Variants in RBFOX1 observed in about 807,000 individuals in gnomAD.
The protein encoded by RBFOX1 is RNA binding fox-1 homolog 1, also known as RNA binding protein fox-1 homolog 1.
RBFOX1 carries 8 observed loss-of-function variants against 57.7 expected under a neutral mutation model. The observed-to-expected ratio is 0.14, with a 90% CI of 0.08 to 0.25. The LOEUF (loss-of-function observed/expected upper bound fraction) is 0.25, where lower values mean the gene tolerates loss of function less well. Among genes scored for constraint, RBFOX1 ranks in the 10% least tolerant of loss-of-function variants. The pLI, the probability that RBFOX1 is intolerant of heterozygous loss-of-function variation, is 1.00. For synonymous variants in RBFOX1, 326 were observed against 222.4 expected, an observed-to-expected ratio of 1.47 and a Z score of -4.15; for missense variants, 611 against 548.5, an observed-to-expected ratio of 1.11 and a Z score of -1.14.
chr16:5,957,512 G>A (rs928678707), intron 4 of RBFOX1, among the ~76,000 whole-genome samples: 10 of 152,082 alleles, frequency 6.6e-5, no homozygotes, highest in African/African-American at 2.4e-4. Context: ...GGCATGAGTC[G>A]CCTTGCCCAG....
At chr16:7,087,236 G>A (rs1328273052) in intron 4 of RBFOX1, among the ~76,000 whole-genome samples, 1 of 152,136 alleles carries the variant, frequency 6.6e-6, no homozygotes, top group Admixed American at 6.5e-5. Context: ...ATTCTCAGAT[G>A]CTGGCCTCCC....
At chr16:7,303,022 C>G (rs916110608) in intron 4 of RBFOX1, among the ~76,000 whole-genome samples, 1 of 152,218 alleles carries the variant, frequency 6.6e-6, no homozygotes, top group Non-Finnish European at 1.5e-5. Flanking sequence ...CAGACACGGA[C>G]TTCCCTACCC....
intron 3 of RBFOX1, chr16:6,704,761 C>G (rs900493834): frequency 6.6e-6 from 1 of 152,152 alleles, no homozygotes; most frequent in African/African-American, 2.4e-5. Context: ...GCCATCTGGT[C>G]TCGGAGAACC....
chr16:7,235,691 G>C (rs969597761), intron 4 of RBFOX1, among the ~76,000 whole-genome samples: 1 of 152,186 alleles, frequency 6.6e-6, no homozygotes, highest in East Asian at 1.9e-4. Context: ...TCCTCTTTGA[G>C]GGTTGGAGAG....
intron 4 of RBFOX1, among the ~76,000 whole-genome samples, chr16:7,090,727 G>T (rs1599197334): frequency 6.6e-6 from 1 of 152,304 alleles, no homozygotes; most frequent in East Asian, 1.9e-4. Flanking sequence ...CTTCCGGGCG[G>T]TTTTGATTCA....
chr16:6,759,554 G>A (rs1049797693), intron 3 of RBFOX1, among the ~76,000 whole-genome samples: 1 of 150,582 alleles, frequency 6.6e-6, no homozygotes, highest in African/African-American at 2.5e-5. Context: ...GACAGTTGCT[G>A]TTGTTTTCAT....
chr16:6,649,121 G>A (rs1274832367), intron 2 of RBFOX1, among the ~76,000 whole-genome samples: 2 of 152,096 alleles, frequency 1.3e-5, no homozygotes, highest in South Asian at 4.2e-4. Context: ...TGGTAGTGAG[G>A]GTAGTCCCTG....
At position 5,849,278 on chromosome 16, in the gene RBFOX1, C is replaced by T. The variant is rs116828985; in HGVS notation, c.319-18025C>T. Reference sequence around the variant, plus strand: ...GGACGATGGAGTGCCCTGATTTTAGCAGTCATGTGGATTTGGGAAATGGCA... The same window carrying T: ...GGACGATGGAGTGCCCTGATTTTAGTAGTCATGTGGATTTGGGAAATGGCA... On this transcript the variant is annotated intron_variant, in intron 3 of 19. Coordinates refer to the RBFOX1 transcript ENST00000641259. 6.5e-4 allele frequency among the ~76,000 whole-genome samples: 99 copies of T among 152,210 alleles called. 1 individual carries two copies. The highest frequency in any genetic ancestry group is 2.3e-3 in the African/African-American group (94 of 41,532).
intron 4 of RBFOX1, among the ~76,000 whole-genome samples, chr16:7,202,176 G>A (rs923746389): frequency 3.3e-5 from 5 of 150,568 alleles, no homozygotes; most frequent in African/African-American, 1.2e-4. Flanking sequence ...TTTCTTCAAA[G>A]AACATAAACA....
At chr16:6,039,276 T>C (rs2152410637) in intron 1 of RBFOX1, among the ~76,000 whole-genome samples, 1 of 150,310 alleles carries the variant, frequency 6.7e-6, no homozygotes, top group South Asian at 2.1e-4. Flanking sequence ...TCTGGATCCT[T>C]AGATGAATTG....
At chr16:7,603,025 A>G (rs2095120766) in intron 9 of RBFOX1, among the ~76,000 whole-genome samples, 5 of 152,348 alleles carry the variant, frequency 3.3e-5, no homozygotes, top group South Asian at 4.1e-4. Flanking sequence ...TTCTTGACAT[A>G]AATTAAAATG....
chr16:5,356,465 A>G (rs1275158604), intron 1 of RBFOX1, among the ~76,000 whole-genome samples: 1 of 152,180 alleles, frequency 6.6e-6, no homozygotes, highest in Non-Finnish European at 1.5e-5. Flanking sequence ...CACCTTCTTC[A>G]AGTCGCCTTG....
At chr16:5,453,721 C>G (rs973267203) in intron 1 of RBFOX1, among the ~76,000 whole-genome samples, 16 of 152,318 alleles carry the variant, frequency 1.1e-4, no homozygotes, top group Middle Eastern at 3.4e-3. Flanking sequence ...TCTTCCCAGA[C>G]CAGGTGCAAA....
intron 4 of RBFOX1, among the ~76,000 whole-genome samples, chr16:7,406,675 T>A (rs8064143): frequency 0.32 from 48,825 of 152,172 alleles, 8,494 homozygotes; most frequent in East Asian, 0.68. Flanking sequence ...CCTGACACCT[T>A]CTGAGTCCCT....
intron 5 of RBFOX1, among the ~76,000 whole-genome samples, chr16:7,552,207 G>C (rs1307480242): frequency 6.6e-6 from 1 of 151,842 alleles, no homozygotes; most frequent in Non-Finnish European, 1.5e-5. Context: ...CTCTTTCCTT[G>C]TACTTCTTTT....
chr16:7,426,181 CA>C (rs1428756317), intron 4 of RBFOX1, among the ~76,000 whole-genome samples: 1 of 152,232 alleles, frequency 6.6e-6, no homozygotes, highest in Admixed American at 6.5e-5. Context: ...GAAGCAAACA[CA>C]GCCGAAAAGA....
intron 2 of RBFOX1, among the ~76,000 whole-genome samples, chr16:6,383,417 A>G (rs2091986338): frequency 6.6e-6 from 1 of 152,130 alleles, no homozygotes; most frequent in Non-Finnish European, 1.5e-5. Context: ...GTTCTTTTCT[A>G]TCTTGCTTTC....
intron 3 of RBFOX1, among the ~76,000 whole-genome samples, chr16:6,786,092 G>A (rs1429247283): frequency 6.6e-6 from 1 of 152,212 alleles, no homozygotes; most frequent in Non-Finnish European, 1.5e-5. Context: ...AGGGCCTGGA[G>A]TGGGCTTTGT....
At chr16:5,827,588 C>A (rs1009672130) in intron 3 of RBFOX1, among the ~76,000 whole-genome samples, 1 of 152,084 alleles carries the variant, frequency 6.6e-6, no homozygotes, top group Non-Finnish European at 1.5e-5. Flanking sequence ...CATACTGCTT[C>A]TGTCTTAACT....
Sources: allele counts gnomAD v4.1 joint callset (sites outside exome capture counted in the v4.1 genomes callset), GRCh38; gene constraint gnomAD v4.1.1; transcripts MANE v1.5; gene names NCBI Gene and HGNC (gene_info 2026-07-23, HGNC 2026-07-21).